The following DCAF8 variants were observed in gnomAD, a reference collection of about 807,000 sequenced individuals.
DCAF8 encodes DDB1- and CUL4-associated factor 8.
A neutral mutation model predicts 68.0 loss-of-function variants in DCAF8; 20 were observed. That is an observed-to-expected ratio of 0.29 (90% CI 0.21 to 0.43). The LOEUF (loss-of-function observed/expected upper bound fraction) is 0.43, where lower values mean the gene tolerates loss of function less well. Ranked by LOEUF, DCAF8 falls within the 20% of genes least tolerant of loss-of-function variation. The pLI, the probability that DCAF8 is intolerant of heterozygous loss-of-function variation, is 1.00. For synonymous variants in DCAF8, 230 were observed against 276.9 expected (o/e 0.83, Z 1.68); for missense variants, 460 against 771.0 (o/e 0.60, Z 4.78).
At chr1:160,222,370 G>A (rs904910460) in intron 11 of DCAF8, among the ~76,000 whole-genome samples, 1 of 152,076 alleles carries the variant, frequency 6.6e-6, no homozygotes, top group African/African-American at 2.4e-5. Context: ...AAAGGTGCAC[G>A]TCTAGAGATA....
At chr1:160,255,806 C>G (rs9660289) in intron 2 of DCAF8, among the ~76,000 whole-genome samples, 93,784 of 150,818 alleles carry the variant, frequency 0.62, 30,006 homozygotes, top group African/African-American at 0.79. Context: ...TTTTAGTAGA[C>G]ACAGGGTTTT....
intron 2 of DCAF8, among the ~76,000 whole-genome samples, chr1:160,247,305 G>A (rs1656379191): frequency 6.6e-6 from 1 of 152,144 alleles, no homozygotes; most frequent in South Asian, 2.1e-4. Flanking sequence ...AAAGACCCAG[G>A]TGCCATTTTA....
chr1:160,225,223 G>T, intron 8 of DCAF8, 104 bp from the exon 9 acceptor site: 1 of 1,096,860 alleles, frequency 9.1e-7, no homozygotes, highest in African/African-American at 1.6e-5. Context: ...TTCTCCCAGA[G>T]ATTTGAGAAA....
chr1:160,216,090 GTGA>G lies in DCAF8; in HGVS notation c.*1499_*1501del, dbSNP rs1655105460. 1 of 152,192 alleles carries G rather than the reference GTGA, an allele frequency of 6.6e-6. No homozygotes were observed. The highest frequency in any genetic ancestry group is 2.1e-4 in the South Asian group (1 of 4,830). The allele number at this position is 152,192 out of a possible 1,614,324, so 9.4% of individuals were successfully genotyped here. A position where few individuals can be genotyped will look rare whatever the true frequency, so the allele number is the denominator to read the frequency against. Reference sequence around the variant, plus strand: ...CTGGGACTTTCAGACTCAGTGACCAGTGATAAGACAAGTGCCCAAGCTCCAGCC... The same window carrying G: ...CTGGGACTTTCAGACTCAGTGACCAGTAAGACAAGTGCCCAAGCTCCAGCC... On this transcript the variant is annotated 3_prime_UTR_variant, in exon 14 of 14. Transcript: ENST00000368074.
chr1:160,225,720 C>G (rs1317852412), intron 7 of DCAF8, 57 bp from the exon 8 acceptor site: 11 of 1,433,142 alleles, frequency 7.7e-6, no homozygotes, highest in Non-Finnish European at 1.1e-5. Flanking sequence ...CCTTGAAGAG[C>G]TGCAATTTGA....
intron 3 of DCAF8, among the ~76,000 whole-genome samples, chr1:160,242,861 GGT>G (rs1277782938): frequency 6.6e-6 from 1 of 152,150 alleles, no homozygotes; most frequent in African/African-American, 2.4e-5. Flanking sequence ...CCTAGCTAAT[GGT>G]CAAGCTCCAA....
rs946070211 is a variant in DCAF8, at chr1:160,216,283, GAGAC to G, written c.*1305_*1308del. On this transcript the variant is annotated 3_prime_UTR_variant, in exon 14 of 14. Transcript: ENST00000368074. ...AATGATCAAGCAGCTAAAGGTAAGA[GAGAC>G]AGAGTGAGAGAGTGTGTATGTATGT... The G allele has an allele frequency of 6.6e-6, 1 of 152,156 alleles. No homozygotes were observed. The highest frequency in any genetic ancestry group is 2.4e-5 in the African/African-American group (1 of 41,418). 9.4% of individuals were successfully genotyped at this position (152,156 alleles called of 1,614,324 possible). A position where few individuals can be genotyped will look rare whatever the true frequency, so the allele number is the denominator to read the frequency against.
chr1:160,244,123 GT>G, intron 2 of DCAF8, 89 bp from the exon 3 acceptor site: 1 of 964,242 alleles, frequency 1.0e-6, no homozygotes, highest in Non-Finnish European at 1.6e-6. Flanking sequence ...CAATGTACAG[GT>G]TTTATCATTT....
chr1:160,243,008 T>G (rs1158825606), intron 3 of DCAF8, among the ~76,000 whole-genome samples: 1 of 152,160 alleles, frequency 6.6e-6, no homozygotes, highest in Admixed American at 6.5e-5. Context: ...AAAAAGCATG[T>G]TGAAAATCTC....
intron 2 of DCAF8, among the ~76,000 whole-genome samples, 200 bp from the exon 3 acceptor site, chr1:160,244,234 T>C (rs1247539011): frequency 6.6e-6 from 1 of 152,236 alleles, no homozygotes; most frequent in African/African-American, 2.4e-5. Context: ...ATCCATATAA[T>C]GATATATTTT....
intron 11 of DCAF8, among the ~76,000 whole-genome samples, chr1:160,222,428 TC>T (rs932703530): frequency 2.6e-5 from 4 of 152,198 alleles, no homozygotes; most frequent in Admixed American, 6.5e-5. Flanking sequence ...AAGATCCCTT[TC>T]TTGTCTCAAT....
intron 2 of DCAF8, among the ~76,000 whole-genome samples, chr1:160,253,538 C>T (rs1224319751): frequency 6.7e-6 from 1 of 149,368 alleles, no homozygotes; most frequent in Non-Finnish European, 1.5e-5. Context: ...ATTCCAGCTA[C>T]TCAGGAGGCT....
chr1:160,231,433 G>A (rs1214718895), intron 6 of DCAF8, 26 bp from the exon 7 acceptor site: 2 of 1,551,494 alleles, frequency 1.3e-6, no homozygotes, highest in East Asian at 2.2e-5. Context: ...AGCACAGAAA[G>A]TTATATACTC....
At chr1:160,256,011 ACTTTTTTTTT>A (rs1475300620) in intron 2 of DCAF8, among the ~76,000 whole-genome samples, 2 of 131,382 alleles carry the variant, frequency 1.5e-5, no homozygotes, top group African/African-American at 6.2e-5. Context: ...AACTAAGCAA[ACTTTTTTTTT>A]TTTTTTTTTT....
chr1:160,224,557 G>T lies in DCAF8; in HGVS notation c.1202-8C>A. ...TGTAACTGGCCAGGAGCTCTGCCAA[G>T]AACAAGAACATAGCAGTGAAGGCAA... On this transcript the variant is annotated splice_region_variant and splice_polypyrimidine_tract_variant and intron_variant, in intron 9 of 13. Coordinates refer to ENST00000368074, the MANE Select transcript of DCAF8 (RefSeq NM_015726.4). The T allele has an allele frequency of 6.2e-7, 1 of 1,607,200 alleles. No individual in the cohort carries two copies. The highest frequency in any genetic ancestry group is 8.5e-7 in the Non-Finnish European group (1 of 1,173,746).
intron 6 of DCAF8, among the ~76,000 whole-genome samples, chr1:160,236,104 G>T (rs754648502): frequency 1.2e-4 from 19 of 152,140 alleles, no homozygotes; most frequent in Admixed American, 5.2e-4. Context: ...TTTACATTTT[G>T]TCTGTATACT....
Position 160,237,617 on chromosome 1 carries a change from TGTGGGCTTAA to T in DCAF8, c.865-398_865-389del, listed in dbSNP as rs560745427. On this transcript the variant is annotated intron_variant, in intron 5 of 13. Coordinates refer to ENST00000368074, the MANE Select transcript of DCAF8 (RefSeq NM_015726.4). The stretch of plus-strand genomic sequence containing the variant: ...TCATGGCTCACTAAAGCCTCAACCT[TGTGGGCTTAA>T]GTGATCCTCCCACCTCAGCTGCCCA... Among the ~76,000 whole-genome samples the T allele has an allele frequency of 1.3e-4, 20 of 152,212 alleles. No homozygotes were observed. The South Asian group carries it at 3.9e-3, about 30-fold the overall frequency.
intron 9 of DCAF8, 67 bp from the exon 10 acceptor site, chr1:160,224,616 T>C: frequency 7.8e-7 from 1 of 1,288,772 alleles, no homozygotes; most frequent in Admixed American, 1.7e-5. Context: ...GAGGTGGGGG[T>C]TGGGGTGGGG....
intron 13 of DCAF8, 116 bp from the exon 14 acceptor site, chr1:160,217,824 G>T: frequency 1.4e-6 from 1 of 731,900 alleles, no homozygotes. Context: ...TTTTCTTAAA[G>T]GGCCAGAGAG....
Sources: allele counts gnomAD v4.1 joint callset (sites outside exome capture counted in the v4.1 genomes callset), GRCh38; gene constraint gnomAD v4.1.1; transcripts MANE v1.5; gene names NCBI Gene and HGNC (gene_info 2026-07-23, HGNC 2026-07-21).